NKAIN2: variants seen among roughly 807,000 people sequenced by gnomAD.
NKAIN2 encodes the protein sodium/potassium transporting ATPase interacting 2.
A neutral mutation model predicts 32.6 loss-of-function variants in NKAIN2; 14 were observed. The observed-to-expected ratio is 0.43, with a 90% CI of 0.28 to 0.67. The LOEUF (loss-of-function observed/expected upper bound fraction) is 0.67, where lower values mean the gene tolerates loss of function less well. Ranked by LOEUF, NKAIN2 falls within the 30% of genes least tolerant of loss-of-function variation. The probability of loss-of-function intolerance (pLI) is 0.17; values close to 1 mark genes in which losing one functional copy is unlikely to be tolerated. For synonymous variants in NKAIN2, 80 were observed against 87.2 expected (o/e 0.92, Z 0.46); for missense variants, 198 against 258.3 (o/e 0.77, Z 1.60).
At chr6:124,552,428 C>CT (rs768410605) in intron 3 of NKAIN2, among the ~76,000 whole-genome samples, 1 of 152,172 alleles carries the variant, frequency 6.6e-6, no homozygotes, top group Non-Finnish European at 1.5e-5. Context: ...AGCTCATATC[C>CT]TTTATAATCC....
intron 1 of NKAIN2, among the ~76,000 whole-genome samples, chr6:123,900,848 T>C (rs1056189942): frequency 2.0e-5 from 3 of 152,038 alleles, no homozygotes; most frequent in African/African-American, 7.2e-5. Flanking sequence ...CTCAGACTTG[T>C]TAGGATCAGC....
intron 1 of NKAIN2, among the ~76,000 whole-genome samples, chr6:123,923,506 G>T (rs79745009): frequency 6.6e-6 from 1 of 151,866 alleles, no homozygotes; most frequent in Non-Finnish European, 1.5e-5. Context: ...AAGAATTTTG[G>T]CACTATTCAC....
At chr6:124,778,154 C>T (rs1165850471) in intron 4 of NKAIN2, among the ~76,000 whole-genome samples, 1 of 152,056 alleles carries the variant, frequency 6.6e-6, no homozygotes, top group Non-Finnish European at 1.5e-5. Flanking sequence ...TTGCTCTCCC[C>T]CTGAGCTCTG....
chr6:124,198,508 A>G (rs1484692549), intron 1 of NKAIN2, among the ~76,000 whole-genome samples: 4 of 151,556 alleles, frequency 2.6e-5, no homozygotes, highest in Non-Finnish European at 4.4e-5. Flanking sequence ...TTCTCTATTG[A>G]TAGGAAGCTT....
chr6:124,315,567 T>A (rs942575207), intron 2 of NKAIN2, among the ~76,000 whole-genome samples: 2 of 152,104 alleles, frequency 1.3e-5, no homozygotes, highest in Non-Finnish European at 2.9e-5. Context: ...ATCAACATAT[T>A]GAAGACATGA....
chr6:123,954,894 G>A (rs575817444), intron 1 of NKAIN2, among the ~76,000 whole-genome samples: 9 of 152,172 alleles, frequency 5.9e-5, no homozygotes, highest in African/African-American at 2.2e-4. Flanking sequence ...GACTTTTCCA[G>A]TGAAGGAAGC....
chr6:124,615,390 A>T (rs897656668), intron 3 of NKAIN2, among the ~76,000 whole-genome samples: 1 of 152,216 alleles, frequency 6.6e-6, no homozygotes, highest in African/African-American at 2.4e-5. Flanking sequence ...AAGCAAATTT[A>T]AAAAATACTC....
At chr6:123,952,949 T>A (rs1777396300) in intron 1 of NKAIN2, among the ~76,000 whole-genome samples, 1 of 152,204 alleles carries the variant, frequency 6.6e-6, no homozygotes, top group Admixed American at 6.5e-5. Flanking sequence ...CCCTGCTTTT[T>A]CCTGTTGCTT....
chr6:124,616,970 CTAAACAA>C (rs1782930537), intron 3 of NKAIN2, among the ~76,000 whole-genome samples: 1 of 152,098 alleles, frequency 6.6e-6, no homozygotes, highest in African/African-American at 2.4e-5. Flanking sequence ...TCTCTGCTTC[CTAAACAA>C]TAAAGTCCCA....
chr6:123,820,879 C>T (rs930929432), intron 1 of NKAIN2, among the ~76,000 whole-genome samples: 5 of 152,148 alleles, frequency 3.3e-5, no homozygotes, highest in Non-Finnish European at 5.9e-5. Flanking sequence ...CTTATCCATT[C>T]GTCTGTAAGA....
chr6:124,717,528 ATTAG>A (rs1484976957), intron 4 of NKAIN2, among the ~76,000 whole-genome samples: 3 of 152,290 alleles, frequency 2.0e-5, no homozygotes, highest in Non-Finnish European at 2.9e-5. Flanking sequence ...TCCCCAAATA[ATTAG>A]TTAGTATTAT....
chr6:123,812,413 C>T (rs1773513910), intron 1 of NKAIN2, among the ~76,000 whole-genome samples: 1 of 152,068 alleles, frequency 6.6e-6, no homozygotes, highest in South Asian at 2.1e-4. Context: ...GTTATTAAAA[C>T]AAATGAATAG....
chr6:124,759,499 C>T (rs905827084), intron 4 of NKAIN2, among the ~76,000 whole-genome samples: 1 of 151,730 alleles, frequency 6.6e-6, no homozygotes, highest in African/African-American at 2.4e-5. Context: ...CAGAAACCCT[C>T]TGCGTTCTCT....
At chr6:124,108,314 C>A (rs569903624) in intron 1 of NKAIN2, among the ~76,000 whole-genome samples, 1 of 152,116 alleles carries the variant, frequency 6.6e-6, no homozygotes, top group African/African-American at 2.4e-5. Flanking sequence ...ATGTGTATAT[C>A]GTCTCTGAAG....
At chr6:123,895,110 C>T (rs1056821401) in intron 1 of NKAIN2, among the ~76,000 whole-genome samples, 2 of 151,108 alleles carry the variant, frequency 1.3e-5, no homozygotes, top group Non-Finnish European at 2.9e-5. Context: ...GTTCTGCTGC[C>T]TCCTCCTTCT....
chr6:124,051,191 G>A (rs1057198931), intron 1 of NKAIN2, among the ~76,000 whole-genome samples: 3 of 151,876 alleles, frequency 2.0e-5, no homozygotes, highest in African/African-American at 7.3e-5. Context: ...GACATTTTTT[G>A]TGTTCTTAAA....
At chr6:124,790,135 G>T (rs938225247) in intron 4 of NKAIN2, among the ~76,000 whole-genome samples, 1 of 152,062 alleles carries the variant, frequency 6.6e-6, no homozygotes, top group Non-Finnish European at 1.5e-5. Context: ...GCTAGAATCT[G>T]CCAGAACGTG....
intron 1 of NKAIN2, among the ~76,000 whole-genome samples, chr6:124,155,231 A>G (rs1464739317): frequency 6.6e-6 from 1 of 152,158 alleles, no homozygotes. Flanking sequence ...TGGGAAGAAT[A>G]AAACTTTGGC....
chr6:124,577,200 G>A (rs1781365043), intron 3 of NKAIN2, among the ~76,000 whole-genome samples: 1 of 152,048 alleles, frequency 6.6e-6, no homozygotes, highest in Non-Finnish European at 1.5e-5. Flanking sequence ...ACACCAAATT[G>A]AACAACTATC....
Sources: allele counts gnomAD v4.1 joint callset (sites outside exome capture counted in the v4.1 genomes callset), GRCh38; gene constraint gnomAD v4.1.1; transcripts MANE v1.5; gene names NCBI Gene and HGNC (gene_info 2026-07-23, HGNC 2026-07-21).